The following ARHGAP35 variants were observed in gnomAD, a reference collection of about 807,000 sequenced individuals.
The protein encoded by ARHGAP35 is Rho GTPase activating protein 35, also known as rho GTPase-activating protein 35.
A neutral mutation model predicts 111.1 loss-of-function variants in ARHGAP35; 15 were observed. The ratio of observed to expected loss-of-function variants is 0.13; its 90% confidence interval spans 0.09 to 0.21. The LOEUF (loss-of-function observed/expected upper bound fraction) is 0.21, where lower values mean the gene tolerates loss of function less well. Ranked by LOEUF, ARHGAP35 falls within the 10% of genes least tolerant of loss-of-function variation. The probability of loss-of-function intolerance (pLI) is 1.00; values close to 1 mark genes in which losing one functional copy is unlikely to be tolerated. For missense variants in ARHGAP35, 1,262 were observed against 1,873.0 expected, an observed-to-expected ratio of 0.67 and a Z score of 6.02; for synonymous variants, 643 against 710.3, an observed-to-expected ratio of 0.91 and a Z score of 1.51.
chr19:46,955,256 A>C (rs944445265), intron 3 of ARHGAP35, among the ~76,000 whole-genome samples: 1 of 152,212 alleles, frequency 6.6e-6, no homozygotes, highest in Non-Finnish European at 1.5e-5. Context: ...CATTATATTA[A>C]GTATAGGTAT....
Position 46,918,704 on chromosome 19 carries a change from G to A in ARHGAP35, c.29G>A (p.Arg10Gln), listed in dbSNP as rs889033932. The change falls in exon 2 of 7, where the codon CGA becomes CAA. Residue 10 changes from arginine to glutamine, a missense_variant. Around this residue, in one of 8 missense-constraint regions of ARHGAP35, gnomAD observed 125 missense variants for 301.7 expected, o/e 0.41. Transcript: ENST00000672722. The surrounding 1 kb of genome is among the most constrained non-coding windows in gnomAD (Gnocchi z 5.4). MMMARKQDV[R>Q]IPTYNISVVG... ...ATGATGGCAAGAAAGCAAGATGTCC[G>A]AATTCCCACCTACAACATCAGTGTG... 4 of 1,613,364 alleles carry A rather than the reference G, an allele frequency of 2.5e-6. No individual in the cohort carries two copies. Among genetic ancestry groups the A allele is most frequent in the African/African-American group, 1.3e-5 (1 of 74,898 alleles).
intron 3 of ARHGAP35, 62 bp downstream of exon 3, chr19:46,937,470 G>A: frequency 6.4e-7 from 1 of 1,567,684 alleles, no homozygotes; most frequent in Admixed American, 1.7e-5. Context: ...TTACTGGAGG[G>A]TCAAGCCATC....
At chr19:46,933,232 C>A (rs1387905705) in intron 2 of ARHGAP35, among the ~76,000 whole-genome samples, 4 of 151,068 alleles carry the variant, frequency 2.6e-5, no homozygotes, top group African/African-American at 7.3e-5. Flanking sequence ...CAGCCTTCAC[C>A]TCCCCAGCTC....
intron 1 of ARHGAP35, among the ~76,000 whole-genome samples, chr19:46,899,703 AAAAAC>A (rs1458799207): frequency 2.5e-3 from 382 of 151,492 alleles, no homozygotes; most frequent in African/African-American, 9.0e-3. Context: ...CTGTACAAAA[AAAAAC>A]AAAAACAAAA....
At chr19:46,914,316 C>G (rs1044542176) in intron 1 of ARHGAP35, among the ~76,000 whole-genome samples, 4 of 152,106 alleles carry the variant, frequency 2.6e-5, no homozygotes, top group Non-Finnish European at 4.4e-5. Context: ...TTAAAAATAA[C>G]AGTCGTGGCT....
At chr19:46,941,950 C>G (rs968435195) in intron 3 of ARHGAP35, among the ~76,000 whole-genome samples, 2 of 145,532 alleles carry the variant, frequency 1.4e-5, no homozygotes, top group Non-Finnish European at 3.0e-5. Flanking sequence ...ATTCCATTTT[C>G]GTCTTTCTTC....
chr19:46,902,738 G>A (rs1168834879), intron 1 of ARHGAP35, among the ~76,000 whole-genome samples: 5 of 152,012 alleles, frequency 3.3e-5, no homozygotes, highest in Admixed American at 2.0e-4. Flanking sequence ...TAATCGCCAC[G>A]GCCCCCTCTA....
rs2056348216 is a variant in ARHGAP35, at chr19:46,941,741, G to T, written c.3826+4333G>T. Among the ~76,000 whole-genome samples, 3 of 150,746 alleles carry T rather than the reference G, an allele frequency of 2.0e-5. No homozygotes were observed. The South Asian group carries it at 6.3e-4, about 31-fold the overall frequency. ...TGTCTGGCTAATTTTTGTATTTTTT[G>T]TGGAGACAAAGTCTCACTATGTTGC... is the stretch of plus-strand genomic sequence containing the variant. On this transcript the variant is annotated intron_variant, in intron 3 of 6. Transcript: ENST00000672722.
rs1215406704 is a variant in ARHGAP35 at position 47,004,083 on chromosome 19, G to A, written c.*3395G>A. On this transcript the variant is annotated 3_prime_UTR_variant, in exon 7 of 7. Transcript: ENST00000672722. The stretch of plus-strand genomic sequence containing the variant: ...AGAAAAAGTAGGGTGCGGTGGCCAG[G>A]AGGGCCCCTGCCGCGCGGGGGGCTG... The A allele has an allele frequency of 1.1e-4, 16 of 152,238 alleles. No homozygotes were observed. Among genetic ancestry groups the A allele is most frequent in the African/African-American group, 3.9e-4 (16 of 41,444 alleles). 9.4% of individuals were successfully genotyped at this position (152,238 alleles called of 1,614,324 possible). A position where few individuals can be genotyped will look rare whatever the true frequency, so the allele number is the denominator to read the frequency against.
At chr19:46,861,836 A>G (rs943355591) in intron 1 of ARHGAP35, among the ~76,000 whole-genome samples, 13 of 152,094 alleles carry the variant, frequency 8.5e-5, no homozygotes, top group African/African-American at 2.7e-4. Context: ...TTGGAGATCC[A>G]TCTGAGACCC....
chr19:46,910,769 T>G (rs183173100), intron 1 of ARHGAP35, among the ~76,000 whole-genome samples: 17 of 152,064 alleles, frequency 1.1e-4, no homozygotes, highest in African/African-American at 4.1e-4. Context: ...TTTTGTATTT[T>G]TTGTAGAGAA....
At chr19:46,934,237 T>C (rs2056290596) in intron 2 of ARHGAP35, among the ~76,000 whole-genome samples, 1 of 152,254 alleles carries the variant, frequency 6.6e-6, no homozygotes, top group African/African-American at 2.4e-5. Flanking sequence ...GTAAAACTTT[T>C]CGACTTTTAA....
rs776839648 is a variant in ARHGAP35 at position 47,000,701 on chromosome 19, TG to T, written c.*17del. The T allele has an allele frequency of 5.8e-6, 9 of 1,552,130 alleles. No individual in the cohort carries two copies. In the African/African-American group the frequency reaches 9.7e-5, roughly 17 times the overall value. ...ACACACGCTGTGAGCCACCAAGACCTGGGGCGACAGGAGAACCGGTCCTCTC... is the reference window on the plus strand; with the variant it reads ...ACACACGCTGTGAGCCACCAAGACCTGGGCGACAGGAGAACCGGTCCTCTC... On this transcript the variant is annotated 3_prime_UTR_variant, in exon 7 of 7. Transcript: ENST00000672722. This position sits in a 1 kb window ranked among gnomAD's most constrained non-coding sequence, Gnocchi z 6.9.
At chr19:46,948,275 G>C (rs1599840554) in intron 3 of ARHGAP35, 1 of 152,298 alleles carries the variant, frequency 6.6e-6, no homozygotes, top group Non-Finnish European at 1.5e-5. Flanking sequence ...TAGGAAACAA[G>C]AACTGTAGAC....
intron 1 of ARHGAP35, among the ~76,000 whole-genome samples, chr19:46,872,089 TA>T (rs936621486): frequency 4.0e-5 from 6 of 151,650 alleles, no homozygotes; most frequent in Admixed American, 1.3e-4. Flanking sequence ...TTTATAAATT[TA>T]AAAAAAAATC....
Position 46,962,857 on chromosome 19 carries a change from G to A in ARHGAP35, c.3827-25132G>A, listed in dbSNP as rs189024211. ...TCGAACTCCTGACCTCAGGTGATCC[G>A]CCCGCACTTGGCCAAAGTGCTGGGA... On this transcript the variant is annotated intron_variant, in intron 3 of 6. Coordinates refer to ENST00000672722, the MANE Select transcript of ARHGAP35 (RefSeq NM_004491.5). Among the ~76,000 whole-genome samples the A allele has an allele frequency of 3.5e-3, 537 of 152,216 alleles. 3 individuals are homozygous for A. Among genetic ancestry groups the A allele is most frequent in the African/African-American group, 0.011 (469 of 41,534 alleles).
intron 3 of ARHGAP35, among the ~76,000 whole-genome samples, chr19:46,987,218 C>CTTTTTTTT (rs370500363): frequency 5.1e-4 from 59 of 115,592 alleles, no homozygotes; most frequent in Non-Finnish European, 8.0e-4. Flanking sequence ...TCTTTTTTTT[C>CTTTTTTTT]TTTTTTTTTT....
At chr19:46,905,869 A>T (rs1314812024) in intron 1 of ARHGAP35, among the ~76,000 whole-genome samples, 2 of 151,526 alleles carry the variant, frequency 1.3e-5, no homozygotes, top group Non-Finnish European at 2.9e-5. Context: ...TGTTTTTAGT[A>T]GAGATGGGGT....
At chr19:46,916,502 A>T (rs959560060) in intron 1 of ARHGAP35, among the ~76,000 whole-genome samples, 2 of 152,140 alleles carry the variant, frequency 1.3e-5, no homozygotes, top group Non-Finnish European at 2.9e-5. Flanking sequence ...ATGCTGAATC[A>T]TCATTCAGTT....
Sources: allele counts gnomAD v4.1 joint callset (sites outside exome capture counted in the v4.1 genomes callset), GRCh38; gene constraint gnomAD v4.1.1; regional missense constraint gnomAD v4.1.1; non-coding constraint Gnocchi (gnomAD v3.1); transcripts MANE v1.5; gene names NCBI Gene and HGNC (gene_info 2026-07-23, HGNC 2026-07-21).